The following CHMP2B variants were observed in gnomAD, a reference collection of about 807,000 sequenced individuals.
CHMP2B encodes VPS2 homolog B.
CHMP2B carries 22 observed loss-of-function variants against 29.8 expected under a neutral mutation model. That is an observed-to-expected ratio of 0.74 (90% CI 0.53 to 1.05). The LOEUF (loss-of-function observed/expected upper bound fraction) is 1.05. CHMP2B is among the 50% of genes least tolerant of loss of function. CHMP2B has a pLI of 0.00. For synonymous variants in CHMP2B, 78 were observed against 75.8 expected, an observed-to-expected ratio of 1.03 and a Z score of -0.15; for missense variants, 261 against 252.2, an observed-to-expected ratio of 1.03 and a Z score of -0.24.
At chr3:87,239,728 A>G (rs1421105215) in intron 1 of CHMP2B, among the ~76,000 whole-genome samples, 1 of 152,204 alleles carries the variant, frequency 6.6e-6, no homozygotes, top group African/African-American at 2.4e-5. Context: ...AGGTAGGTCT[A>G]AAGAATCCAA....
intron 3 of CHMP2B, among the ~76,000 whole-genome samples, chr3:87,248,076 T>C (rs541994926): frequency 5.9e-5 from 9 of 151,954 alleles, no homozygotes; most frequent in Non-Finnish European, 1.2e-4. Flanking sequence ...GGTGGGCAGA[T>C]CAGTTGAGGC....
In CHMP2B at chr3:87,227,347, G is replaced by A; in HGVS notation, c.-176G>A. On this transcript the variant is annotated 5_prime_UTR_variant, in exon 1 of 6. Transcript: ENST00000263780. ...CACCTGAGCTCCGGGTGACGCGGCT[G>A]CGGTAGCTGCGGATACAAGCCTTCC... 1 of 666,226 alleles carries A rather than the reference G, an allele frequency of 1.5e-6. No homozygotes were observed. Among genetic ancestry groups the A allele is most frequent in the Non-Finnish European group, 2.7e-6 (1 of 371,926 alleles). The allele number at this position is 666,226 out of a possible 1,614,324, so 41.3% of individuals were successfully genotyped here. A position where few individuals can be genotyped will look rare whatever the true frequency, so the allele number is the denominator to read the frequency against.
intron 2 of CHMP2B, among the ~76,000 whole-genome samples, chr3:87,242,820 T>C (rs568949760): frequency 1.3e-5 from 2 of 152,314 alleles, no homozygotes; most frequent in South Asian, 4.1e-4. Context: ...TAATACCGCA[T>C]TATTTTTGTT....
intron 1 of CHMP2B, among the ~76,000 whole-genome samples, chr3:87,238,909 G>A (rs1271817065): frequency 1.3e-5 from 2 of 152,128 alleles, no homozygotes; most frequent in African/African-American, 2.4e-5. Flanking sequence ...ATTCCGACGA[G>A]CAATATGCAA....
chr3:87,253,306 G>A, intron 4 of CHMP2B, 98 bp from the exon 5 acceptor site: 1 of 760,796 alleles, frequency 1.3e-6, no homozygotes, highest in Non-Finnish European at 2.4e-6. Flanking sequence ...TTTGCCTTCT[G>A]TAATATACAA....
chr3:87,245,471 G>A (rs1384600162), intron 2 of CHMP2B, among the ~76,000 whole-genome samples: 4 of 146,174 alleles, frequency 2.7e-5, no homozygotes, highest in African/African-American at 1.0e-4. Flanking sequence ...CATGTGCACT[G>A]TTTTGTAGAC....
rs533971749 is a variant in CHMP2B at position 87,254,728 on chromosome 3, C to T, written c.*906C>T. 1 of 151,432 alleles carries T rather than the reference C, an allele frequency of 6.6e-6. No homozygotes were observed. Among genetic ancestry groups the T allele is most frequent in the African/African-American group, 2.4e-5 (1 of 41,348 alleles). 9.4% of individuals were successfully genotyped at this position (151,432 alleles called of 1,614,324 possible). On this transcript the variant is annotated 3_prime_UTR_variant, in exon 6 of 6. Transcript: ENST00000263780. ...TAGTAAGAAAACAATATATTTTGGC[C>T]ATCTAAAAATGAGAATTATAATTAT...
intron 1 of CHMP2B, among the ~76,000 whole-genome samples, chr3:87,232,555 T>C (rs1705928174): frequency 6.6e-6 from 1 of 152,176 alleles, no homozygotes; most frequent in Admixed American, 6.5e-5. Flanking sequence ...AGTATACTCT[T>C]CTGAGCATTT....
chr3:87,242,121 T>C (rs528050027), intron 2 of CHMP2B, among the ~76,000 whole-genome samples: 48 of 152,266 alleles, frequency 3.2e-4, no homozygotes, highest in African/African-American at 1.2e-3. Context: ...TTCAAATATT[T>C]TACCCATTTT....
At chr3:87,242,903 G>T (rs114602632) in intron 2 of CHMP2B, among the ~76,000 whole-genome samples, 4,099 of 152,018 alleles carry the variant, frequency 0.027, 78 homozygotes, top group African/African-American at 0.042. Flanking sequence ...TTTCATAATT[G>T]TTTTGGCTAT....
chr3:87,237,704 A>T (rs1232524706), intron 1 of CHMP2B, among the ~76,000 whole-genome samples: 2 of 152,220 alleles, frequency 1.3e-5, no homozygotes, highest in East Asian at 3.8e-4. Context: ...ATACCCATGT[A>T]TTAAACATTC....
chr3:87,243,905 C>T (rs562396487), intron 2 of CHMP2B, among the ~76,000 whole-genome samples: 1 of 151,250 alleles, frequency 6.6e-6, no homozygotes, highest in Non-Finnish European at 1.5e-5. Flanking sequence ...CATCATCAGC[C>T]TGGCTAGTGG....
At position 87,253,914 on chromosome 3, in the gene CHMP2B, C is replaced by T. The variant is rs895869732; in HGVS notation, c.*92C>T. ...TCTTTTACAAAACACATGTATTTTG[C>T]AAAAAAAAAAAAAATGAAGACCATG... is the stretch of plus-strand genomic sequence containing the variant. On this transcript the variant is annotated 3_prime_UTR_variant, in exon 6 of 6. Transcript: ENST00000263780. 4.8e-5 allele frequency: 29 copies of T among 602,584 alleles called. No homozygotes were observed. In the African/African-American group the frequency reaches 6.2e-4, roughly 13 times the overall value. 37.3% of individuals were successfully genotyped at this position (602,584 alleles called of 1,614,324 possible). A position where few individuals can be genotyped will look rare whatever the true frequency, so the allele number is the denominator to read the frequency against.
intron 3 of CHMP2B, among the ~76,000 whole-genome samples, chr3:87,247,382 T>A (rs1057290144): frequency 2.0e-5 from 3 of 152,214 alleles, no homozygotes; most frequent in African/African-American, 7.2e-5. Context: ...CATGTCCTTC[T>A]TTCACTTAGG....
chr3:87,245,314 T>C (rs1268698730), intron 2 of CHMP2B, among the ~76,000 whole-genome samples: 1 of 152,194 alleles, frequency 6.6e-6, no homozygotes, highest in Non-Finnish European at 1.5e-5. Context: ...TTTTATTTAA[T>C]GTAATTATCT....
chr3:87,248,641 A>G (rs1026204155), intron 3 of CHMP2B, among the ~76,000 whole-genome samples: 4 of 152,014 alleles, frequency 2.6e-5, no homozygotes, highest in Non-Finnish European at 4.4e-5. Flanking sequence ...ATGTGTGTCT[A>G]GAGGGCAATA....
At chr3:87,249,264 A>G (rs1706270647) in intron 3 of CHMP2B, among the ~76,000 whole-genome samples, 1 of 152,174 alleles carries the variant, frequency 6.6e-6, no homozygotes, top group South Asian at 2.1e-4. Flanking sequence ...GCTGTGGGTA[A>G]TTAACCAAAA....
At chr3:87,238,549 A>G (rs1233748238) in intron 1 of CHMP2B, among the ~76,000 whole-genome samples, 1 of 152,238 alleles carries the variant, frequency 6.6e-6, no homozygotes, top group African/African-American at 2.4e-5. Context: ...AAATGTAATT[A>G]TAAATTGTGA....
Position 87,229,106 on chromosome 3 carries a change from A to G in CHMP2B, c.34+1550A>G, listed in dbSNP as rs533661524. 2.0e-5 allele frequency among the ~76,000 whole-genome samples: 3 copies of G among 152,260 alleles called. No homozygotes were observed. In the South Asian group the frequency reaches 6.2e-4, roughly 32 times the overall value. ...AATTTTTTTTTAACAATAAAAGCCA[A>G]GCATACTAGTTTTAATCGCCTAATA... On this transcript the variant is annotated intron_variant, in intron 1 of 5. Transcript: ENST00000263780.
Sources: gnomAD v4.1 joint callset for allele counts (sites outside exome capture counted in the v4.1 genomes callset) on GRCh38, gnomAD v4.1.1 for gene constraint, MANE v1.5 for transcripts, NCBI Gene and HGNC (gene_info 2026-07-23, HGNC 2026-07-21) for gene names.